CYB561: variants seen among roughly 807,000 people sequenced by gnomAD.
The protein encoded by CYB561 is cytochrome b561, also known as transmembrane ascorbate-dependent reductase CYB561.
A neutral mutation model predicts 25.3 loss-of-function variants in CYB561; 11 were observed. The ratio of observed to expected loss-of-function variants is 0.44; its 90% CI spans 0.27 to 0.72. The LOEUF is 0.72. Among genes scored for constraint, CYB561 ranks in the 30% least tolerant of loss-of-function variants. The pLI, the probability that CYB561 is intolerant of heterozygous loss-of-function variation, is 0.18. For missense variants in CYB561, 295 were observed against 334.9 expected (o/e 0.88, Z 0.93); for synonymous variants, 165 against 158.8 (o/e 1.04, Z -0.29).
At position 63,441,901 on chromosome 17, in the gene CYB561, C is replaced by T. The variant is rs1287930819; in HGVS notation, c.-13-4341G>A. ...CCATGGCACTAAGCACTGGTGCGTG[C>T]AAGACAGCAGGCCCTGACCGAAGGC... On this transcript the variant is annotated intron_variant, in intron 1 of 5. Transcript: ENST00000360793. Among the ~76,000 whole-genome samples the T allele has an allele frequency of 3.9e-5, 6 of 152,348 alleles. No individual in the cohort carries two copies. In the East Asian group the frequency reaches 1.2e-3, roughly 29 times the overall value.
rs982671411 is a variant in CYB561 at position 63,437,422 on chromosome 17, A to C, written c.126T>G (p.Ile42Met). 1.9e-6 allele frequency: 3 copies of C among 1,613,934 alleles called. No individual in the cohort carries two copies. In the African/African-American group the frequency reaches 4.0e-5, roughly 22 times the overall value. Residue 42 changes from isoleucine (I) to methionine (M), a missense_variant, in exon 2 of 6, where the codon ATT becomes ATG. Ile to Met is a conservative substitution (Grantham distance 10). Transcript: ENST00000360793. ...GAWLGLYRGG[I>M]AWESDLQFNA... Reference sequence around the variant, plus strand: ...TGAACTGCAGGTCGCTCTCCCAGGCAATGCCGCCTCGGTACAGCCCGAGCC... The same window carrying C: ...TGAACTGCAGGTCGCTCTCCCAGGCCATGCCGCCTCGGTACAGCCCGAGCC...
chr17:63,438,841 G>A (rs2049345549), intron 1 of CYB561, among the ~76,000 whole-genome samples: 1 of 152,234 alleles, frequency 6.6e-6, no homozygotes, highest in Non-Finnish European at 1.5e-5. Flanking sequence ...GCTGGGGATG[G>A]GAGGAGAGGC....
Position 63,438,218 on chromosome 17 carries a change from TTC to T in CYB561, c.-13-660_-13-659del, listed in dbSNP as rs1208991502. 8 of 1,535,304 alleles carry T rather than the reference TTC, an allele frequency of 5.2e-6. No homozygotes were observed. The Admixed American group carries it at 7.8e-5, about 15-fold the overall frequency. ...CAAGGGCCCAGTGCCCGGCTTTGTT[TTC>T]TGTTTCATGAGGCCCTGGCCTTCCC... On this transcript the variant is annotated intron_variant, in intron 1 of 5. Transcript: ENST00000360793.
At chr17:63,438,289 T>C in intron 1 of CYB561, 2 of 1,357,468 alleles carry the variant, frequency 1.5e-6, no homozygotes, top group Non-Finnish European at 2.0e-6. Flanking sequence ...GCGCGCTCCT[T>C]GACGGGAAGG....
At chr17:63,443,464 G>A (rs2049395979) in intron 1 of CYB561, among the ~76,000 whole-genome samples, 1 of 152,208 alleles carries the variant, frequency 6.6e-6, no homozygotes, top group South Asian at 2.1e-4. Context: ...TACCCAGGAA[G>A]CAGCAGAGCC....
chr17:63,437,513 G>A lies in CYB561; in HGVS notation c.35C>T (p.Ala12Val). The A allele has an allele frequency of 6.2e-7, 1 of 1,613,092 alleles. No homozygotes were observed. The highest frequency in any genetic ancestry group is 8.5e-7 in the Non-Finnish European group (1 of 1,179,926). Reference sequence around the variant, plus strand: ...GGAGAAGGCCACGTAGTAAGGCAGTGCTGTGGGGGTGGCTGCCGCGGCCCC... The same window carrying A: ...GGAGAAGGCCACGTAGTAAGGCAGTACTGTGGGGGTGGCTGCCGCGGCCCC... ...EGGAAAATPT[A>V]LPYYVAFSQL... is the part of the protein sequence containing the mutation. Residue 12 changes from alanine (A) to valine (V), a missense_variant, in exon 2 of 6, where the codon GCA (alanine) becomes GTA (valine). Ala to Val is a moderately conservative substitution (Grantham distance 64). Coordinates refer to ENST00000360793, the MANE Select transcript of CYB561 (RefSeq NM_001915.4).
At chr17:63,435,513 C>T in intron 4 of CYB561, 175 bp downstream of exon 4, 1 of 703,768 alleles carries the variant, frequency 1.4e-6, no homozygotes, top group Non-Finnish European at 2.4e-6. Flanking sequence ...GGGAGCTGGG[C>T]ACCCTTGGCC....
upstream of CYB561, chr17:63,446,429 G>A (rs1159407933): frequency 6.6e-6 from 1 of 151,892 alleles, no homozygotes. Flanking sequence ...CCCCGCGGTT[G>A]CGGCCACGCT....
chr17:63,435,638 C>G (rs1374947295), intron 4 of CYB561, 50 bp downstream of exon 4: 1 of 1,448,064 alleles, frequency 6.9e-7, no homozygotes, highest in South Asian at 1.1e-5. Context: ...CCCTCCTCCT[C>G]CCACCTCCCT....
chr17:63,434,788 T>C (rs886450477), intron 5 of CYB561, among the ~76,000 whole-genome samples, 194 bp from the exon 6 acceptor site: 8 of 151,842 alleles, frequency 5.3e-5, no homozygotes, highest in African/African-American at 1.9e-4. Context: ...CAAAAAGAGA[T>C]GGGCAATGTA....
At chr17:63,439,592 G>A (rs866627867) in intron 1 of CYB561, among the ~76,000 whole-genome samples, 3 of 151,724 alleles carry the variant, frequency 2.0e-5, no homozygotes, top group Admixed American at 1.3e-4. Context: ...TAATCCACAC[G>A]CACTGCAGTA....
At chr17:63,438,402 A>G in intron 1 of CYB561, 2 of 553,808 alleles carry the variant, frequency 3.6e-6, no homozygotes, top group Non-Finnish European at 6.4e-6. Context: ...CATGCTGGCG[A>G]TGAGGAGGCC....
At chr17:63,441,401 G>A (rs528118583) in intron 1 of CYB561, among the ~76,000 whole-genome samples, 3 of 152,326 alleles carry the variant, frequency 2.0e-5, no homozygotes, top group Admixed American at 1.3e-4. Context: ...GAGGACAAGC[G>A]ACAGGCCCCC....
At chr17:63,438,285 T>A (rs964092248) in intron 1 of CYB561, 10 of 1,381,918 alleles carry the variant, frequency 7.2e-6, no homozygotes, top group Non-Finnish European at 9.9e-6. Flanking sequence ...GCAAGCGCGC[T>A]CCTTGACGGG....
At chr17:63,437,882 G>GC in intron 1 of CYB561, 1 of 513,692 alleles carries the variant, frequency 1.9e-6, no homozygotes, top group South Asian at 2.2e-5. Flanking sequence ...GATGCGAGCA[G>GC]CCCCCCTGAG....
chr17:63,445,035 G>A (rs760457331), intron 1 of CYB561, among the ~76,000 whole-genome samples: 8 of 152,202 alleles, frequency 5.3e-5, no homozygotes, highest in Non-Finnish European at 8.8e-5. Flanking sequence ...AATTAGCTGC[G>A]TGTTGTGGCA....
intron 1 of CYB561, chr17:63,437,784 C>T (rs570472490): frequency 1.1e-5 from 5 of 463,568 alleles, no homozygotes; most frequent in South Asian, 4.2e-5. Context: ...CGCAACACCC[C>T]CCCCGGGTTG....
chr17:63,445,322 T>G (rs2049412793), intron 1 of CYB561, among the ~76,000 whole-genome samples: 1 of 151,536 alleles, frequency 6.6e-6, no homozygotes, highest in African/African-American at 2.4e-5. Flanking sequence ...CCTCGTATTT[T>G]CCTGCCTCCA....
chr17:63,440,266 A>T (rs1239291249), intron 1 of CYB561: 1 of 398,556 alleles, frequency 2.5e-6, no homozygotes, highest in East Asian at 3.6e-5. Context: ...AAGTTCTCTC[A>T]TGCCCTCCCC....
Sources: gnomAD v4.1 joint callset for allele counts (sites outside exome capture counted in the v4.1 genomes callset) on GRCh38, gnomAD v4.1.1 for gene constraint, MANE v1.5 for transcripts, NCBI Gene and HGNC (gene_info 2026-07-23, HGNC 2026-07-21) for gene names.